The following PSMD12 variants were observed in gnomAD, a reference collection of about 807,000 sequenced individuals.
PSMD12 encodes 26S proteasome non-ATPase regulatory subunit 12.
A neutral mutation model predicts 62.9 loss-of-function variants in PSMD12; 8 were observed. The ratio of observed to expected loss-of-function variants is 0.13; its 90% CI spans 0.07 to 0.23. The LOEUF (loss-of-function observed/expected upper bound fraction) is 0.23, where lower values mean the gene tolerates loss of function less well. Among genes scored for constraint, PSMD12 ranks in the 10% least tolerant of loss-of-function variants. The pLI is 1.00. For synonymous variants in PSMD12, 173 were observed against 187.4 expected, an observed-to-expected ratio of 0.92 and a Z score of 0.63; for missense variants, 424 against 550.2, an observed-to-expected ratio of 0.77 and a Z score of 2.29.
chr17:67,339,882 T>C lies in PSMD12; in HGVS notation c.*961A>G, dbSNP rs2041895047. 6.6e-6 allele frequency: 1 copy of C among 151,998 alleles called. No individual in the cohort carries two copies. The allele number at this position is 151,998 out of a possible 1,614,324, so 9.4% of individuals were successfully genotyped here. Reference sequence around the variant, plus strand: ...TACACCACTTACTATGAGGGTGGCCTGACGTCTTTTTGCCATTTTTTTAAA... The same window carrying C: ...TACACCACTTACTATGAGGGTGGCCCGACGTCTTTTTGCCATTTTTTTAAA... On this transcript the variant is annotated 3_prime_UTR_variant, in exon 11 of 11. Transcript: ENST00000356126.
chr17:67,347,414 T>A lies in PSMD12; in HGVS notation c.582A>T (p.Leu194=), dbSNP rs1267143596. ...GTGTTCGAATGTAATCCTTCACAGC[T>A]AGGCAGAGCCTCATTTGCTCCAAAA... The part of the protein sequence containing the change: ...EFILEQMRLC[L]AVKDYIRTQI... Residue 194 remains leucine, a synonymous_variant, in exon 6 of 11, where the codon CTA becomes CTT. Coordinates refer to ENST00000356126, the MANE Select transcript of PSMD12 (RefSeq NM_002816.5). The A allele has an allele frequency of 6.2e-7, 1 of 1,613,976 alleles. No individual in the cohort carries two copies. Among genetic ancestry groups the A allele is most frequent in the South Asian group, 1.1e-5 (1 of 91,072 alleles).
chr17:67,363,878 C>T (rs959170403), intron 1 of PSMD12, among the ~76,000 whole-genome samples: 3 of 151,978 alleles, frequency 2.0e-5, no homozygotes, highest in South Asian at 2.1e-4. Context: ...GGTAAAACCC[C>T]GTCTCTACTA....
intron 1 of PSMD12, among the ~76,000 whole-genome samples, chr17:67,362,011 T>C (rs2042135276): frequency 6.6e-6 from 1 of 150,870 alleles, no homozygotes; most frequent in Non-Finnish European, 1.5e-5. Flanking sequence ...GAGTTATTTA[T>C]ATCCTACTGC....
chr17:67,366,545 G>A lies in PSMD12; in HGVS notation c.-26C>T, dbSNP rs765983364. ...GGTCCCCGCCTGAGCGTCCCTTGCTGTCCCCCTGCTTCGGCCACCACTCGT... is the reference window on the plus strand; with the variant it reads ...GGTCCCCGCCTGAGCGTCCCTTGCTATCCCCCTGCTTCGGCCACCACTCGT... On this transcript the variant is annotated 5_prime_UTR_variant, in exon 1 of 11. Transcript: ENST00000356126. The A allele has an allele frequency of 1.3e-6, 2 of 1,581,160 alleles. No homozygotes were observed. The highest frequency in any genetic ancestry group is 1.3e-5 in the African/African-American group (1 of 74,362).
chr17:67,366,185 G>A (rs2042177178), intron 1 of PSMD12, among the ~76,000 whole-genome samples: 1 of 152,220 alleles, frequency 6.6e-6, no homozygotes, highest in Admixed American at 6.5e-5. Context: ...TCCCACGGAG[G>A]GAAGTGACCA....
At chr17:67,364,853 G>C (rs1481339097) in intron 1 of PSMD12, among the ~76,000 whole-genome samples, 1 of 152,156 alleles carries the variant, frequency 6.6e-6, no homozygotes, top group East Asian at 1.9e-4. Flanking sequence ...TGAAGGTGAA[G>C]ATCTGCCGTC....
chr17:67,362,448 G>C (rs2042140046), intron 1 of PSMD12, among the ~76,000 whole-genome samples: 1 of 152,120 alleles, frequency 6.6e-6, no homozygotes, highest in South Asian at 2.1e-4. Context: ...GCTGAGGCGG[G>C]TGGATCACAA....
At chr17:67,351,606 G>C (rs779100706) in intron 3 of PSMD12, among the ~76,000 whole-genome samples, 2 of 151,732 alleles carry the variant, frequency 1.3e-5, no homozygotes, top group Non-Finnish European at 2.9e-5. Context: ...TTAGATTCAG[G>C]GGGTACATGT....
intron 3 of PSMD12, among the ~76,000 whole-genome samples, chr17:67,355,143 A>G (rs919175839): frequency 7.0e-6 from 1 of 143,578 alleles, no homozygotes; most frequent in Admixed American, 7.3e-5. Context: ...CCCAGGCTGC[A>G]AAGCAATGGC....
At chr17:67,358,352 G>T (rs2042096279) in intron 1 of PSMD12, among the ~76,000 whole-genome samples, 1 of 151,968 alleles carries the variant, frequency 6.6e-6, no homozygotes, top group South Asian at 2.1e-4. Context: ...CAGATATCTT[G>T]AACTCAGGAG....
intron 9 of PSMD12, 70 bp from the exon 10 acceptor site, chr17:67,342,333 C>A: frequency 9.8e-7 from 1 of 1,016,478 alleles, no homozygotes; most frequent in Non-Finnish European, 1.5e-6. Context: ...CATTTATTTT[C>A]ATATCCAAGT....
At chr17:67,346,543 C>T (rs902854142) in intron 7 of PSMD12, among the ~76,000 whole-genome samples, 11 of 151,724 alleles carry the variant, frequency 7.3e-5, no homozygotes, top group Non-Finnish European at 1.0e-4. Context: ...CCAGCCTGGG[C>T]GACAGAGCGA....
At chr17:67,365,121 T>C (rs938904052) in intron 1 of PSMD12, among the ~76,000 whole-genome samples, 2 of 150,918 alleles carry the variant, frequency 1.3e-5, no homozygotes, top group Non-Finnish European at 2.9e-5. Flanking sequence ...GAGGCGGGGG[T>C]TGCAGTCAGC....
intron 4 of PSMD12, among the ~76,000 whole-genome samples, chr17:67,349,622 CTCTAAT>C (rs1319910187): frequency 6.6e-6 from 1 of 152,168 alleles, no homozygotes; most frequent in Admixed American, 6.5e-5. Context: ...TCAATTAATA[CTCTAAT>C]TCTGACTTAT....
At chr17:67,341,670 T>C (rs907497190) in intron 10 of PSMD12, among the ~76,000 whole-genome samples, 1 of 152,102 alleles carries the variant, frequency 6.6e-6, no homozygotes, top group Non-Finnish European at 1.5e-5. Context: ...CTACAAAGTT[T>C]CCCCTTAAAA....
chr17:67,363,924 C>T (rs982833870), intron 1 of PSMD12, among the ~76,000 whole-genome samples: 2 of 151,964 alleles, frequency 1.3e-5, no homozygotes, highest in Non-Finnish European at 2.9e-5. Flanking sequence ...TGGTGCATGC[C>T]GGTAATCCCA....
chr17:67,366,214 TG>T (rs1344332730), intron 1 of PSMD12, among the ~76,000 whole-genome samples, 197 bp downstream of exon 1: 2 of 152,190 alleles, frequency 1.3e-5, no homozygotes, highest in Non-Finnish European at 2.9e-5. Flanking sequence ...GGGGAGGGTC[TG>T]GGAAGCTATA....
At chr17:67,358,567 C>CAAAAAAAAAAAAAAAAAAAAAAAAAAA (rs398039153) in intron 1 of PSMD12, among the ~76,000 whole-genome samples, 34 of 74,050 alleles carry the variant, frequency 4.6e-4, no homozygotes, top group African/African-American at 7.0e-4. Flanking sequence ...GAACCTGTCT[C>CAAAAAAAAAAAAAAAAAAAAAAAAAAA]AAAAAAAAAA....
At chr17:67,353,203 T>TGC (rs1231093514) in intron 3 of PSMD12, among the ~76,000 whole-genome samples, 1 of 152,292 alleles carries the variant, frequency 6.6e-6, no homozygotes, top group East Asian at 1.9e-4. Context: ...AAGTTACAGT[T>TGC]GGAGTGACCC....
Sources: allele counts gnomAD v4.1 joint callset (sites outside exome capture counted in the v4.1 genomes callset), GRCh38; gene constraint gnomAD v4.1.1; transcripts MANE v1.5; gene names NCBI Gene and HGNC (gene_info 2026-07-23, HGNC 2026-07-21).